SMG1: variants seen among roughly 807,000 people sequenced by gnomAD.
SMG1 encodes serine/threonine-protein kinase SMG1.
Under a neutral mutation model 419.9 loss-of-function variants are expected in SMG1, and 22 were observed. The observed-to-expected ratio is 0.05, with a 90% confidence interval of 0.04 to 0.07. The LOEUF (loss-of-function observed/expected upper bound fraction) is 0.07. Among genes scored for constraint, SMG1 ranks in the 10% least tolerant of loss-of-function variants. The probability of loss-of-function intolerance (pLI) is 1.00; values close to 1 mark genes in which losing one functional copy is unlikely to be tolerated. For synonymous variants in SMG1, 1,538 were observed against 1,553.5 expected, an observed-to-expected ratio of 0.99 and a Z score of 0.23; for missense variants, 3,185 against 4,342.0, an observed-to-expected ratio of 0.73 and a Z score of 7.49.
At chr16:18,841,866 C>A in intron 40 of SMG1, 72 bp from the exon 41 acceptor site, 1 of 1,292,256 alleles carries the variant, frequency 7.7e-7, no homozygotes, top group Non-Finnish European at 1.1e-6. Context: ...TCCTCTTTTT[C>A]AACTAGCAGT....
rs1026221656 is a variant in SMG1, at chr16:18,879,531, G to A, written c.1482C>T (p.Thr494=). The A allele has an allele frequency of 3.1e-5, 33 of 1,077,316 alleles. No individual in the cohort carries two copies. The highest frequency in any genetic ancestry group is 2.9e-5 in the Non-Finnish European group (21 of 729,046). 66.7% of individuals were successfully genotyped at this position (1,077,316 alleles called of 1,614,324 possible). A position where few individuals can be genotyped will look rare whatever the true frequency, so the allele number is the denominator to read the frequency against. ...AATTCAAGACTGAGATGATATAATC[G>A]GTACCACAAGTCTGGCAATTCTCCA... is the stretch of plus-strand genomic sequence containing the variant. ...DQLENCQTCG[T]DYIISVLNLL... is the part of the protein sequence containing the mutation. Residue 494 remains threonine, a synonymous_variant, in exon 11 of 63, where the codon ACC becomes ACT. Coordinates refer to ENST00000446231, the MANE Select transcript of SMG1 (RefSeq NM_015092.5).
Position 18,848,132 on chromosome 16 carries a change from A to C in SMG1, c.5624-99T>G, listed in dbSNP as rs2034373228. 5.3e-6 allele frequency: 5 copies of C among 944,332 alleles called. No homozygotes were observed. The South Asian group carries it at 7.9e-5, about 15-fold the overall frequency. 58.5% of individuals were successfully genotyped at this position (944,332 alleles called of 1,614,324 possible). ...CTGATAATCTATTTGACTCAAGAGCACTCATTGAACTCATTTGCCTTCCAG... is the reference window on the plus strand; with the variant it reads ...CTGATAATCTATTTGACTCAAGAGCCCTCATTGAACTCATTTGCCTTCCAG... On this transcript the variant is annotated intron_variant, in intron 36 of 62. Transcript: ENST00000446231.
chr16:18,885,024 G>T, intron 8 of SMG1, 66 bp downstream of exon 8: 1 of 647,428 alleles, frequency 1.5e-6, no homozygotes, highest in East Asian at 2.7e-5. Flanking sequence ...TTGATAGATG[G>T]TCACTGGGGG....
rs969968224 is a variant in SMG1 at position 18,812,122 on chromosome 16, G to A, written c.10627C>T (p.Arg3543Trp). 8 of 1,610,922 alleles carry A rather than the reference G, an allele frequency of 5.0e-6. No homozygotes were observed. Among genetic ancestry groups the A allele is most frequent in the East Asian group, 2.2e-5 (1 of 44,878 alleles). ...TYQPSFAAAV[R>W]SNTGQKTQPD... ...TGAGTCTTCTGGCCAGTGTTACTCCGGACTGCTACAGAGAAAGAGTTGGTG... is the reference window on the plus strand; with the variant it reads ...TGAGTCTTCTGGCCAGTGTTACTCCAGACTGCTACAGAGAAAGAGTTGGTG... Residue 3543 changes from arginine to tryptophan, a missense_variant, in exon 61 of 63, where the codon CGG becomes TGG. Around this residue, in one of 27 missense-constraint regions of SMG1, gnomAD observed 737 missense variants for 846.6 expected, o/e 0.87. Transcript: ENST00000446231.
intron 54 of SMG1, among the ~76,000 whole-genome samples, chr16:18,828,678 C>G (rs960270181): frequency 1.4e-4 from 22 of 152,170 alleles, no homozygotes; most frequent in African/African-American, 5.1e-4. Context: ...AGGAAGCATA[C>G]CTACATATGA....
intron 50 of SMG1, among the ~76,000 whole-genome samples, chr16:18,833,955 T>C (rs1446369099): frequency 6.6e-6 from 1 of 152,206 alleles, no homozygotes; most frequent in Non-Finnish European, 1.5e-5. Context: ...TATTTGTCCA[T>C]TTGCTTGATG....
At chr16:18,903,186 C>A (rs1029087119) in intron 1 of SMG1, among the ~76,000 whole-genome samples, 1 of 152,096 alleles carries the variant, frequency 6.6e-6, no homozygotes, top group Non-Finnish European at 1.5e-5. Context: ...TTCAGTGTTG[C>A]TTATTTTCCT....
chr16:18,893,461 C>T (rs536190922), intron 3 of SMG1, among the ~76,000 whole-genome samples: 7 of 152,042 alleles, frequency 4.6e-5, no homozygotes, highest in Admixed American at 1.3e-4. Context: ...CCCATCTCTA[C>T]GAAAAATACA....
At chr16:18,920,153 A>T (rs1430703170) in intron 1 of SMG1, among the ~76,000 whole-genome samples, 1 of 149,468 alleles carries the variant, frequency 6.7e-6, no homozygotes, top group Non-Finnish European at 1.5e-5. Context: ...AGGCCGAGGC[A>T]GGTGGATCAC....
rs2141899790 is a variant in SMG1 at position 18,806,724 on chromosome 16, G to A, written c.*2845C>T. ...TACCCCCTGATTCTTAAAGAAAGTG[G>A]AGGAGAGGGGGAGGCGACAGAGGAA... On this transcript the variant is annotated 3_prime_UTR_variant, in exon 63 of 63. Transcript: ENST00000446231. The A allele has an allele frequency of 1.3e-5, 2 of 152,336 alleles. No homozygotes were observed. The highest frequency in any genetic ancestry group is 1.3e-4 in the Admixed American group (2 of 15,296). 9.4% of individuals were successfully genotyped at this position (152,336 alleles called of 1,614,324 possible).
At chr16:18,923,419 C>G (rs988380525) in intron 1 of SMG1, among the ~76,000 whole-genome samples, 3 of 152,226 alleles carry the variant, frequency 2.0e-5, no homozygotes, top group African/African-American at 7.2e-5. Context: ...CCAAAGCAGG[C>G]GGATCACCTG....
chr16:18,835,693 C>G (rs1026115713), intron 48 of SMG1, among the ~76,000 whole-genome samples: 14 of 152,110 alleles, frequency 9.2e-5, no homozygotes, highest in Non-Finnish European at 1.8e-4. Context: ...ATCACGTGGT[C>G]AGGAGTTCAA....
Position 18,908,476 on chromosome 16 carries a change from CAAAAAAAAA to C in SMG1, c.93-11529_93-11521del, listed in dbSNP as rs59890240. Among the ~76,000 whole-genome samples, 4 of 83,708 alleles carry C rather than the reference CAAAAAAAAA, an allele frequency of 4.8e-5. No homozygotes were observed. In the Admixed American group the frequency reaches 5.5e-4, roughly 11 times the overall value. 54.9% of individuals were successfully genotyped at this position (83,708 alleles called of 152,430 possible). A position where few individuals can be genotyped will look rare whatever the true frequency, so the allele number is the denominator to read the frequency against. Reference sequence around the variant, plus strand: ...TAGGTAACAGAGCGAGACTCCGTCTCAAAAAAAAAAAAAAAAAAAAAAAGTTACACACTG... The same window carrying C: ...TAGGTAACAGAGCGAGACTCCGTCTCAAAAAAAAAAAAAAGTTACACACTG... On this transcript the variant is annotated intron_variant, in intron 1 of 62. Transcript: ENST00000446231.
Position 18,926,108 on chromosome 16 carries a change from G to T in SMG1, c.-67C>A, listed in dbSNP as rs1218176635. The T allele has an allele frequency of 2.8e-6, 4 of 1,417,806 alleles. No homozygotes were observed. Among genetic ancestry groups the T allele is most frequent in the Non-Finnish European group, 3.7e-6 (4 of 1,068,106 alleles). The allele number at this position is 1,417,806 out of a possible 1,614,324, so 87.8% of individuals were successfully genotyped here. A position where few individuals can be genotyped will look rare whatever the true frequency, so the allele number is the denominator to read the frequency against. Reference sequence around the variant, plus strand: ...GAAGCGCGAGTCGCCGCCCGAACCGGCCGCCGCCGACACCCCGCTCCGGCC... The same window carrying T: ...GAAGCGCGAGTCGCCGCCCGAACCGTCCGCCGCCGACACCCCGCTCCGGCC... On this transcript the variant is annotated 5_prime_UTR_variant, in exon 1 of 63. Coordinates refer to ENST00000446231, the MANE Select transcript of SMG1 (RefSeq NM_015092.5).
chr16:18,877,982 G>A (rs1348317794), intron 11 of SMG1: 2 of 152,152 alleles, frequency 1.3e-5, no homozygotes, highest in Admixed American at 6.5e-5. Flanking sequence ...AACCAGATGG[G>A]CCATTTGTTT....
chr16:18,830,018 C>T lies in SMG1; in HGVS notation c.9041G>A (p.Arg3014Gln), dbSNP rs368592756. 3.9e-5 allele frequency: 62 copies of T among 1,594,904 alleles called. No individual in the cohort carries two copies. The South Asian group carries it at 5.2e-4, about 13-fold the overall frequency. ...QVNFFDDDNH[R>Q]QVLEEIFFLK... is the part of the protein sequence containing the mutation. ...AAAGAAAATCTCTTCTAGCACCTGC[C>T]GGTGATTATCATCATCAAAAAAATT... The change falls in exon 53 of 63, where the codon CGG becomes CAG. Residue 3014 changes from arginine (R) to glutamine (Q), a missense_variant. Arg to Gln is a conservative substitution (Grantham distance 43). Around this residue, in one of 27 missense-constraint regions of SMG1, gnomAD observed 737 missense variants for 846.6 expected, o/e 0.87. Transcript: ENST00000446231.
chr16:18,926,156 A>AAGGAGGAGGAGGAGGAGG lies in SMG1; in HGVS notation c.-133_-116dup, dbSNP rs367683864. On this transcript the variant is annotated 5_prime_UTR_variant, in exon 1 of 63. Coordinates refer to ENST00000446231, the MANE Select transcript of SMG1 (RefSeq NM_015092.5). The stretch of plus-strand genomic sequence containing the variant: ...GCCCGGGGCTGAGGAGGAAGCCGAG[A>AAGGAGGAGGAGGAGGAGG]AGGAGGAGGAGGAGGAGGAGGAGGA... 5.9e-6 allele frequency: 4 copies of AAGGAGGAGGAGGAGGAGG among 674,776 alleles called. No homozygotes were observed. Among genetic ancestry groups the AAGGAGGAGGAGGAGGAGG allele is most frequent in the African/African-American group, 1.9e-5 (1 of 51,424 alleles). 41.8% of individuals were successfully genotyped at this position (674,776 alleles called of 1,614,324 possible).
At chr16:18,850,828 T>G (rs991776665) in intron 33 of SMG1, among the ~76,000 whole-genome samples, 1 of 152,136 alleles carries the variant, frequency 6.6e-6, no homozygotes, top group African/African-American at 2.4e-5. Flanking sequence ...CATGGCTCAC[T>G]GCAACCTCTC....
intron 39 of SMG1, among the ~76,000 whole-genome samples, chr16:18,845,112 A>C (rs936669444): frequency 8.5e-5 from 13 of 152,234 alleles, no homozygotes; most frequent in African/African-American, 3.1e-4. Context: ...AGGTAAATAA[A>C]GCAGGCAACC....
Sources: gnomAD v4.1 joint callset for allele counts (sites outside exome capture counted in the v4.1 genomes callset) on GRCh38, gnomAD v4.1.1 for gene constraint, gnomAD v4.1.1 regional missense constraint, MANE v1.5 for transcripts, NCBI Gene and HGNC (gene_info 2026-07-23, HGNC 2026-07-21) for gene names.